EPHA6: variants seen among roughly 807,000 people sequenced by gnomAD.
EPHA6 encodes the protein ephrin type-A receptor 6.
A neutral mutation model predicts 112.0 loss-of-function variants in EPHA6; 50 were observed. The observed-to-expected ratio is 0.45, with a 90% CI of 0.36 to 0.56. EPHA6 has a LOEUF of 0.56. Among genes scored for constraint, EPHA6 ranks in the 20% least tolerant of loss-of-function variants. The pLI is 0.00. For missense variants in EPHA6, 1,280 were observed against 1,417.4 expected, an observed-to-expected ratio of 0.90 and a Z score of 1.56; for synonymous variants, 529 against 490.7, an observed-to-expected ratio of 1.08 and a Z score of -1.03.
chr3:97,228,920 G>A (rs1198780725), intron 4 of EPHA6, among the ~76,000 whole-genome samples: 1 of 152,158 alleles, frequency 6.6e-6, no homozygotes, highest in African/African-American at 2.4e-5. Context: ...ATTCTTGCAG[G>A]AGTAAGGTGG....
At position 97,080,428 on chromosome 3, in the gene EPHA6, C is replaced by T. The variant is rs192027874; in HGVS notation, c.1114+92435C>T. The stretch of plus-strand genomic sequence containing the variant: ...GTTTTTCTCATCAAAAGCTGGAGAA[C>T]TCTCCAAAAGTGCTTATATCACATA... On this transcript the variant is annotated intron_variant, in intron 3 of 17. Transcript: ENST00000389672. Among the ~76,000 whole-genome samples, 122 of 152,020 alleles carry T rather than the reference C, an allele frequency of 8.0e-4. 3 individuals carry two copies. Among genetic ancestry groups the T allele is most frequent in the African/African-American group, 2.8e-3 (115 of 41,410 alleles).
chr3:96,941,736 G>C (rs1207123382), intron 2 of EPHA6, among the ~76,000 whole-genome samples: 1 of 152,104 alleles, frequency 6.6e-6, no homozygotes, highest in Non-Finnish European at 1.5e-5. Context: ...GTTTTATCTT[G>C]TTTTGGTCTT....
At chr3:97,224,845 G>C (rs987488017) in intron 3 of EPHA6, among the ~76,000 whole-genome samples, 4 of 151,634 alleles carry the variant, frequency 2.6e-5, no homozygotes, top group Non-Finnish European at 5.9e-5. Flanking sequence ...AAATTGACTA[G>C]TATGTTAGAA....
chr3:96,974,029 G>T (rs1270108673), intron 2 of EPHA6, among the ~76,000 whole-genome samples: 1 of 143,982 alleles, frequency 6.9e-6, no homozygotes, highest in Non-Finnish European at 1.5e-5. Context: ...TATAAAATAT[G>T]TTATTAATAC....
chr3:96,843,351 G>A (rs1003101352), intron 1 of EPHA6, among the ~76,000 whole-genome samples: 1 of 152,042 alleles, frequency 6.6e-6, no homozygotes, highest in Non-Finnish European at 1.5e-5. Context: ...AAATTATTTT[G>A]GGACTTGATA....
At chr3:97,612,785 C>A (rs567799285) in intron 13 of EPHA6, among the ~76,000 whole-genome samples, 3 of 152,080 alleles carry the variant, frequency 2.0e-5, no homozygotes, top group Non-Finnish European at 2.9e-5. Context: ...TCTGTTTACT[C>A]ATCTATAAAA....
chr3:97,296,114 C>T (rs1214179083), intron 5 of EPHA6, among the ~76,000 whole-genome samples: 1 of 152,032 alleles, frequency 6.6e-6, no homozygotes, highest in Non-Finnish European at 1.5e-5. Context: ...GTAGCAGAGA[C>T]AGGACAAACT....
intron 5 of EPHA6, among the ~76,000 whole-genome samples, chr3:97,334,956 C>T (rs2082987370): frequency 6.6e-6 from 1 of 152,080 alleles, no homozygotes; most frequent in Non-Finnish European, 1.5e-5. Context: ...TGTTTTACGG[C>T]CTGTTATAAA....
At chr3:97,365,062 T>C (rs2084638292) in intron 5 of EPHA6, among the ~76,000 whole-genome samples, 1 of 152,178 alleles carries the variant, frequency 6.6e-6, no homozygotes, top group Admixed American at 6.5e-5. Context: ...AGACCTGCTC[T>C]ACTTGATATA....
chr3:97,377,761 T>C (rs1423076146), intron 5 of EPHA6, among the ~76,000 whole-genome samples: 3 of 152,134 alleles, frequency 2.0e-5, no homozygotes, highest in Non-Finnish European at 4.4e-5. Context: ...GCACTACAGA[T>C]TTGTAGAACT....
intron 10 of EPHA6, among the ~76,000 whole-genome samples, chr3:97,508,032 C>T (rs1428524983): frequency 6.6e-6 from 1 of 151,890 alleles, no homozygotes; most frequent in Non-Finnish European, 1.5e-5. Context: ...TTGGGTGTGT[C>T]TATTTGATTC....
intron 5 of EPHA6, among the ~76,000 whole-genome samples, chr3:97,245,513 A>G (rs888950525): frequency 6.6e-6 from 1 of 151,964 alleles, no homozygotes; most frequent in African/African-American, 2.4e-5. Context: ...AATATACACA[A>G]TGGCAGCATA....
intron 14 of EPHA6, among the ~76,000 whole-genome samples, chr3:97,716,883 AT>A (rs1486710174): frequency 6.6e-6 from 1 of 151,954 alleles, no homozygotes; most frequent in African/African-American, 2.4e-5. Context: ...TTCTTGTTTT[AT>A]TTTAAGATTT....
intron 3 of EPHA6, among the ~76,000 whole-genome samples, chr3:97,047,454 C>T (rs1187730524): frequency 3.5e-5 from 5 of 144,494 alleles, no homozygotes; most frequent in Non-Finnish European, 6.0e-5. Context: ...GAGCAGAGAT[C>T]GCACCACTGC....
At chr3:97,538,486 C>T (rs1028327763) in intron 11 of EPHA6, among the ~76,000 whole-genome samples, 2 of 151,994 alleles carry the variant, frequency 1.3e-5, no homozygotes, top group African/African-American at 4.8e-5. Flanking sequence ...CCAGAATGTC[C>T]CTGGAGCCTG....
chr3:97,739,390 C>T lies in EPHA6; in HGVS notation c.3128+3272C>T, dbSNP rs140373236. Among the ~76,000 whole-genome samples the T allele has an allele frequency of 4.8e-3, 706 of 146,906 alleles. 5 individuals carry two copies. Among genetic ancestry groups the T allele is most frequent in the African/African-American group, 0.017 (675 of 39,548 alleles). On this transcript the variant is annotated intron_variant, in intron 16 of 17. Transcript: ENST00000389672. ...TTCTAATTGCTTTTTTCTCAAGACTCACCTGAGAAGCTGTTATCCTTTCTC... is the reference window on the plus strand; with the variant it reads ...TTCTAATTGCTTTTTTCTCAAGACTTACCTGAGAAGCTGTTATCCTTTCTC...
chr3:96,921,599 G>A (rs1182151533), intron 2 of EPHA6, among the ~76,000 whole-genome samples: 1 of 146,446 alleles, frequency 6.8e-6, no homozygotes, highest in Non-Finnish European at 1.5e-5. Context: ...TTTTTTTCAA[G>A]ACTCTGTCAT....
intron 5 of EPHA6, among the ~76,000 whole-genome samples, chr3:97,325,592 G>C: frequency 6.6e-6 from 1 of 152,186 alleles, no homozygotes; most frequent in East Asian, 1.9e-4. Context: ...TCCGTGTAAA[G>C]TACATAAAAC....
At chr3:97,731,919 C>T (rs1159441642) in intron 15 of EPHA6, among the ~76,000 whole-genome samples, 4 of 151,898 alleles carry the variant, frequency 2.6e-5, no homozygotes, top group African/African-American at 7.2e-5. Flanking sequence ...CATCTAATCT[C>T]AGCCCAGTCC....
Sources: gnomAD v4.1 joint callset for allele counts (sites outside exome capture counted in the v4.1 genomes callset) on GRCh38, gnomAD v4.1.1 for gene constraint, MANE v1.5 for transcripts, NCBI Gene and HGNC (gene_info 2026-07-23, HGNC 2026-07-21) for gene names.